The following CAMTA1 variants were observed in gnomAD, a reference collection of about 807,000 sequenced individuals.
The protein encoded by CAMTA1 is calmodulin-binding transcription activator 1.
Under a neutral mutation model 170.9 loss-of-function variants are expected in CAMTA1, and 27 were observed. That is an observed-to-expected ratio of 0.16 (90% CI 0.12 to 0.22). CAMTA1 has a LOEUF of 0.22. Among genes scored for constraint, CAMTA1 ranks in the 10% least tolerant of loss-of-function variants. The pLI is 1.00. For missense variants in CAMTA1, 1,619 were observed against 2,217.2 expected, an observed-to-expected ratio of 0.73 and a Z score of 5.42; for synonymous variants, 833 against 891.5, an observed-to-expected ratio of 0.93 and a Z score of 1.17.
At chr1:7,095,544 A>G (rs1162870373) in intron 4 of CAMTA1, among the ~76,000 whole-genome samples, 2 of 152,198 alleles carry the variant, frequency 1.3e-5, no homozygotes, top group Non-Finnish European at 2.9e-5. Flanking sequence ...TGAACCCAGT[A>G]TGATCTCACT....
At chr1:7,200,896 G>T (rs766382995) in intron 4 of CAMTA1, among the ~76,000 whole-genome samples, 1 of 152,254 alleles carries the variant, frequency 6.6e-6, no homozygotes, top group Non-Finnish European at 1.5e-5. Context: ...CAGCTTTATT[G>T]TGATGTAATT....
At chr1:6,923,145 TC>T (rs1242797334) in intron 3 of CAMTA1, among the ~76,000 whole-genome samples, 3 of 152,276 alleles carry the variant, frequency 2.0e-5, no homozygotes, top group African/African-American at 7.2e-5. Flanking sequence ...CACTCACTCT[TC>T]ATCAGAAAGC....
At chr1:7,015,434 C>T (rs950054837) in intron 3 of CAMTA1, among the ~76,000 whole-genome samples, 1 of 152,214 alleles carries the variant, frequency 6.6e-6, no homozygotes, top group Non-Finnish European at 1.5e-5. Context: ...GGTCAGATGT[C>T]TTCCGGTGAG....
rs1205495209 is a variant in CAMTA1 at position 6,887,417 on chromosome 1, CAT to C, written c.234+62209_234+62210del. 6.6e-6 allele frequency among the ~76,000 whole-genome samples: 1 copy of C among 152,136 alleles called. No homozygotes were observed. Among genetic ancestry groups the C allele is most frequent in the Non-Finnish European group, 1.5e-5 (1 of 68,028 alleles). ...TGTATGAGACCCAGTTTTGGATTAT[CAT>C]AGGCGAAGAAGTCAGACATATATGG... On this transcript the variant is annotated intron_variant, in intron 3 of 22. Transcript: ENST00000303635. This position sits in a 1 kb window ranked among gnomAD's most constrained non-coding sequence, Gnocchi z 4.1.
rs754629207 is a variant in CAMTA1, at chr1:7,736,368, G to A, written c.3091G>A (p.Gly1031Arg). 1.2e-6 allele frequency: 2 copies of A among 1,614,134 alleles called. No individual in the cohort carries two copies. Among genetic ancestry groups the A allele is most frequent in the Non-Finnish European group, 1.7e-6 (2 of 1,180,010 alleles). ...AQCASGTGAL[G>R]SCFESRVVVV... ...GTGTGCTTCTGGGACTGGGGCCTTG[G>A]GGAGCTGCTTTGAGAGCCGTGTGGT... Residue 1031 changes from glycine (G) to arginine (R), a missense_variant, in exon 13 of 23, where the codon GGG becomes AGG. Gly to Arg is a moderately radical substitution (Grantham distance 125). Coordinates refer to ENST00000303635, the MANE Select transcript of CAMTA1 (RefSeq NM_015215.4). The surrounding 1 kb of genome is among the most constrained non-coding windows in gnomAD (Gnocchi z 4.5).
chr1:7,447,606 C>T (rs976519976), intron 5 of CAMTA1, among the ~76,000 whole-genome samples: 1 of 152,186 alleles, frequency 6.6e-6, no homozygotes, highest in Non-Finnish European at 1.5e-5. Context: ...CAGCCCCTAA[C>T]CCTCCCTGGG....
At chr1:6,967,124 C>T (rs1390886676) in intron 3 of CAMTA1, among the ~76,000 whole-genome samples, 1 of 151,652 alleles carries the variant, frequency 6.6e-6, no homozygotes, top group Non-Finnish European at 1.5e-5. Flanking sequence ...ACCTGTAGTC[C>T]CAGCTGCTTG....
intron 1 of CAMTA1, among the ~76,000 whole-genome samples, chr1:6,793,441 C>T (rs1641691175): frequency 1.3e-5 from 2 of 152,144 alleles, no homozygotes; most frequent in Admixed American, 1.3e-4. Flanking sequence ...TAGTAAATTA[C>T]CATGTCCCTA....
At chr1:7,612,747 T>C (rs906893519) in intron 6 of CAMTA1, among the ~76,000 whole-genome samples, 5 of 152,198 alleles carry the variant, frequency 3.3e-5, no homozygotes, top group Non-Finnish European at 7.3e-5. Flanking sequence ...GAGACAGGGC[T>C]CTAAGCAAGG....
intron 3 of CAMTA1, among the ~76,000 whole-genome samples, chr1:6,937,843 C>A (rs1685728443): frequency 6.6e-6 from 1 of 151,546 alleles, no homozygotes; most frequent in Admixed American, 6.6e-5. Flanking sequence ...ACTGTCATCA[C>A]CATAATCATC....
At chr1:7,371,395 TAC>T (rs2086458906) in intron 5 of CAMTA1, among the ~76,000 whole-genome samples, 1 of 152,144 alleles carries the variant, frequency 6.6e-6, no homozygotes, top group East Asian at 1.9e-4. Context: ...TAGCTGGGAT[TAC>T]AGGCGCCTGC....
intron 5 of CAMTA1, among the ~76,000 whole-genome samples, chr1:7,376,129 C>T (rs1288902362): frequency 6.6e-6 from 1 of 152,256 alleles, no homozygotes; most frequent in Non-Finnish European, 1.5e-5. Flanking sequence ...TTATTTATAG[C>T]ATCCTGGCCA....
chr1:7,559,832 C>G (rs952832271), intron 6 of CAMTA1, among the ~76,000 whole-genome samples: 2 of 151,808 alleles, frequency 1.3e-5, no homozygotes, highest in East Asian at 2.0e-4. Context: ...CTTCCAGCTT[C>G]TGGGAGGCCA....
intron 3 of CAMTA1, among the ~76,000 whole-genome samples, chr1:6,872,397 T>G (rs1668666133): frequency 6.6e-6 from 1 of 152,224 alleles, no homozygotes; most frequent in Non-Finnish European, 1.5e-5. Context: ...GAGAAAAAGC[T>G]TAGACTTTTA....
Position 7,421,050 on chromosome 1 carries a change from C to T in CAMTA1, c.439-46780C>T, listed in dbSNP as rs531196329. Among the ~76,000 whole-genome samples the T allele has an allele frequency of 5.3e-5, 8 of 152,352 alleles. No individual in the cohort carries two copies. The South Asian group carries it at 1.4e-3, about 28-fold the overall frequency. The stretch of plus-strand genomic sequence containing the variant: ...AAAGCAGGTGCTGCCCTTCTGTGTC[C>T]TGGCTGTCTTCTGGCCTTCATCCAG... On this transcript the variant is annotated intron_variant, in intron 5 of 22. Transcript: ENST00000303635.
At chr1:7,001,339 C>T (rs1164695646) in intron 3 of CAMTA1, among the ~76,000 whole-genome samples, 2 of 152,188 alleles carry the variant, frequency 1.3e-5, no homozygotes, top group African/African-American at 4.8e-5. Flanking sequence ...CGTTAGTAAC[C>T]CTACCTCTGA....
At chr1:7,056,938 C>A (rs77170718) in intron 3 of CAMTA1, among the ~76,000 whole-genome samples, 1,979 of 152,282 alleles carry the variant, frequency 0.013, 29 homozygotes, top group Non-Finnish European at 0.02. Flanking sequence ...TGGTTATGAA[C>A]CCCAGTGTCA....
In CAMTA1 at chr1:6,821,991, T is replaced by C. The variant is rs142462408; in HGVS notation, c.115+1741T>C. On this transcript the variant is annotated intron_variant, in intron 2 of 22. Transcript: ENST00000303635. ...CTGTCATTTTCAAGAGCCTCACTAG[T>C]TATTTTTTTATTGTGAAGTAGGTTA... is the stretch of plus-strand genomic sequence containing the variant. Among the ~76,000 whole-genome samples, 682 of 152,262 alleles carry C rather than the reference T, an allele frequency of 4.5e-3. 8 individuals carry two copies. The highest frequency in any genetic ancestry group is 0.016 in the African/African-American group (666 of 41,572).
chr1:7,662,320 C>T (rs930228072), intron 8 of CAMTA1, among the ~76,000 whole-genome samples: 1 of 152,230 alleles, frequency 6.6e-6, no homozygotes, highest in Admixed American at 6.5e-5. Context: ...AAGCGTCCCG[C>T]GCTCTCCTTC....
Sources: gnomAD v4.1 joint callset for allele counts (sites outside exome capture counted in the v4.1 genomes callset) on GRCh38, gnomAD v4.1.1 for gene constraint, Gnocchi (gnomAD v3.1) non-coding constraint, MANE v1.5 for transcripts, NCBI Gene and HGNC (gene_info 2026-07-23, HGNC 2026-07-21) for gene names.